Variants in TCERG1L observed in about 807,000 individuals in gnomAD.
The protein encoded by TCERG1L is transcription elongation regulator 1-like protein.
TCERG1L carries 37 observed loss-of-function variants against 56.3 expected under a neutral mutation model. The observed-to-expected ratio is 0.66, with a 90% CI of 0.51 to 0.87. The LOEUF (loss-of-function observed/expected upper bound fraction) is 0.87. Among genes scored for constraint, TCERG1L ranks in the 40% least tolerant of loss-of-function variants. The pLI is 0.00. For missense variants in TCERG1L, 799 were observed against 774.2 expected, an observed-to-expected ratio of 1.03 and a Z score of -0.38; for synonymous variants, 324 against 326.3, an observed-to-expected ratio of 0.99 and a Z score of 0.08.
At chr10:131,201,871 G>A (rs1469052919) in intron 4 of TCERG1L, among the ~76,000 whole-genome samples, 1 of 152,164 alleles carries the variant, frequency 6.6e-6, no homozygotes, top group Non-Finnish European at 1.5e-5. Context: ...CCACCACGCT[G>A]TGCTGAAGGC....
intron 4 of TCERG1L, among the ~76,000 whole-genome samples, chr10:131,203,876 G>A (rs867041930): frequency 6.6e-6 from 1 of 152,166 alleles, no homozygotes; most frequent in East Asian, 1.9e-4. Flanking sequence ...TGTCTCCACC[G>A]CAACCCAGCT....
chr10:131,300,154 G>T (rs1037701595), intron 3 of TCERG1L, among the ~76,000 whole-genome samples: 1 of 151,924 alleles, frequency 6.6e-6, no homozygotes, highest in Admixed American at 6.6e-5. Flanking sequence ...GTTTCTGTTT[G>T]GTATAAAGTT....
chr10:131,253,254 T>G lies in TCERG1L; in HGVS notation c.856+7005A>C, dbSNP rs1388684578. The stretch of plus-strand genomic sequence containing the variant: ...AGGAATGACAGCTGGTGGGTGGGAC[T>G]GACAATGGTGCAGAAGAACGACATC... On this transcript the variant is annotated intron_variant, in intron 4 of 11. Transcript: ENST00000368642. Among the ~76,000 whole-genome samples the G allele has an allele frequency of 2.6e-5, 4 of 152,276 alleles. No individual in the cohort carries two copies. In the East Asian group the frequency reaches 7.7e-4, roughly 29 times the overall value.
At chr10:131,287,119 T>C (rs1312423551) in intron 3 of TCERG1L, among the ~76,000 whole-genome samples, 1 of 152,268 alleles carries the variant, frequency 6.6e-6, no homozygotes, top group East Asian at 1.9e-4. Flanking sequence ...AATTTTAAAT[T>C]CCATGTGATG....
intron 4 of TCERG1L, among the ~76,000 whole-genome samples, chr10:131,192,936 C>T (rs1845319279): frequency 6.6e-6 from 1 of 151,848 alleles, no homozygotes; most frequent in African/African-American, 2.4e-5. Context: ...GACAGGTGGA[C>T]TAAAATCTCC....
intron 4 of TCERG1L, among the ~76,000 whole-genome samples, chr10:131,256,948 A>AAGGAAGGAAG (rs1846169449): frequency 1.6e-5 from 1 of 60,736 alleles, no homozygotes; most frequent in African/African-American, 5.9e-5. Context: ...AGGAAGAGAA[A>AAGGAAGGAAG]GAAGGAAGGA....
At chr10:131,137,093 T>C (rs950683883) in intron 7 of TCERG1L, among the ~76,000 whole-genome samples, 3 of 151,994 alleles carry the variant, frequency 2.0e-5, no homozygotes, top group Admixed American at 2.0e-4. Context: ...TGAGCCGCGA[T>C]TGTGCCACTG....
At chr10:131,274,459 G>A (rs960723397) in intron 3 of TCERG1L, among the ~76,000 whole-genome samples, 4 of 152,170 alleles carry the variant, frequency 2.6e-5, no homozygotes, top group Admixed American at 1.3e-4. Context: ...CTCCATCCTT[G>A]AAGGAAGTGT....
At chr10:131,232,862 C>T (rs1845867248) in intron 4 of TCERG1L, among the ~76,000 whole-genome samples, 1 of 152,188 alleles carries the variant, frequency 6.6e-6, no homozygotes, top group African/African-American at 2.4e-5. Context: ...ATCTCTACAT[C>T]TTCAAAACTC....
intron 4 of TCERG1L, among the ~76,000 whole-genome samples, chr10:131,225,483 G>C (rs1037913459): frequency 6.6e-6 from 1 of 152,142 alleles, no homozygotes; most frequent in Non-Finnish European, 1.5e-5. Flanking sequence ...CAGGACACCA[G>C]CTGGAGGCTC....
At chr10:131,188,077 G>A (rs1022743126) in intron 4 of TCERG1L, among the ~76,000 whole-genome samples, 17 of 152,200 alleles carry the variant, frequency 1.1e-4, no homozygotes, top group African/African-American at 3.9e-4. Context: ...GCAGGGCTGG[G>A]CCCTTTCCCT....
chr10:131,183,768 T>C (rs992623740), intron 4 of TCERG1L, among the ~76,000 whole-genome samples: 2 of 152,228 alleles, frequency 1.3e-5, no homozygotes, highest in Non-Finnish European at 2.9e-5. Flanking sequence ...GGGGGACCCC[T>C]GTTCTGTCTC....
intron 3 of TCERG1L, among the ~76,000 whole-genome samples, chr10:131,300,415 G>A (rs78270974): frequency 3.0e-4 from 46 of 152,172 alleles, no homozygotes; most frequent in African/African-American, 8.7e-4. Context: ...GGAAAAAGGC[G>A]TTCCATGTTT....
intron 4 of TCERG1L, among the ~76,000 whole-genome samples, chr10:131,172,188 G>T (rs1423928923): frequency 6.6e-6 from 1 of 151,974 alleles, no homozygotes; most frequent in African/African-American, 2.4e-5. Flanking sequence ...CCCTCACCAT[G>T]AGGCTGTAAG....
intron 6 of TCERG1L, among the ~76,000 whole-genome samples, chr10:131,159,992 G>A (rs1478006836): frequency 6.6e-6 from 1 of 152,154 alleles, no homozygotes; most frequent in Non-Finnish European, 1.5e-5. Context: ...ACAAGCCTAG[G>A]CTCTCTCTGC....
At chr10:131,266,081 A>G (rs1386367363) in intron 3 of TCERG1L, among the ~76,000 whole-genome samples, 2 of 152,380 alleles carry the variant, frequency 1.3e-5, no homozygotes, top group Non-Finnish European at 2.9e-5. Context: ...TATTTCAACA[A>G]TGTTTACAAC....
intron 8 of TCERG1L, among the ~76,000 whole-genome samples, chr10:131,124,967 A>G (rs1195512788): frequency 6.6e-6 from 1 of 152,238 alleles, no homozygotes; most frequent in African/African-American, 2.4e-5. Context: ...AGAATCCCTT[A>G]TAGCCACTGA....
At chr10:131,287,459 A>G (rs1846558319) in intron 3 of TCERG1L, among the ~76,000 whole-genome samples, 1 of 152,236 alleles carries the variant, frequency 6.6e-6, no homozygotes, top group Non-Finnish European at 1.5e-5. Context: ...GTTGGTAAAT[A>G]CAAATCTCAC....
chr10:131,098,911 G>T (rs1159342683), intron 10 of TCERG1L, among the ~76,000 whole-genome samples: 1 of 152,168 alleles, frequency 6.6e-6, no homozygotes, highest in Non-Finnish European at 1.5e-5. Flanking sequence ...ATTGACATTC[G>T]AGTCTCCCAA....
Sources: allele counts gnomAD v4.1 joint callset (sites outside exome capture counted in the v4.1 genomes callset), GRCh38; gene constraint gnomAD v4.1.1; transcripts MANE v1.5; gene names NCBI Gene and HGNC (gene_info 2026-07-23, HGNC 2026-07-21).